The following ST3GAL1 variants were observed in gnomAD, a reference collection of about 807,000 sequenced individuals.
ST3GAL1 encodes CMP-N-acetylneuraminate-beta-galactosamide-alpha-2,3-sialyltransferase 1.
A neutral mutation model predicts 34.1 loss-of-function variants in ST3GAL1; 16 were observed. The ratio of observed to expected loss-of-function variants is 0.47; its 90% CI spans 0.32 to 0.71. The LOEUF is 0.71. Among genes scored for constraint, ST3GAL1 ranks in the 30% least tolerant of loss-of-function variants. The pLI is 0.04. For synonymous variants in ST3GAL1, 191 were observed against 184.7 expected (o/e 1.03, Z -0.28); for missense variants, 353 against 447.4 (o/e 0.79, Z 1.90).
chr8:133,473,017 A>G (rs1816027392), intron 5 of ST3GAL1, among the ~76,000 whole-genome samples: 1 of 152,190 alleles, frequency 6.6e-6, no homozygotes, highest in African/African-American at 2.4e-5. Flanking sequence ...TGAGATGAAG[A>G]GCTTCTTCAA....
At chr8:133,463,156 T>C (rs1815574417) in intron 8 of ST3GAL1, among the ~76,000 whole-genome samples, 1 of 152,222 alleles carries the variant, frequency 6.6e-6, no homozygotes, top group African/African-American at 2.4e-5. Context: ...GGGTTTCTGA[T>C]TCAGTAGGTT....
intron 9 of ST3GAL1, among the ~76,000 whole-genome samples, chr8:133,460,589 G>C (rs1245527788): frequency 6.6e-6 from 1 of 152,248 alleles, no homozygotes; most frequent in African/African-American, 2.4e-5. Context: ...CTGTACTGAA[G>C]TTCAGGCAGA....
At chr8:133,565,132 A>T (rs1819351690) in intron 1 of ST3GAL1, among the ~76,000 whole-genome samples, 3 of 150,300 alleles carry the variant, frequency 2.0e-5, no homozygotes, top group Admixed American at 6.6e-5. Context: ...GATTCAAATG[A>T]GATAACAGCT....
In ST3GAL1 at chr8:133,461,596, C is replaced by T. The variant is rs1029212510; in HGVS notation, c.849+279G>A. On this transcript the variant is annotated intron_variant, in intron 9 of 9. Coordinates refer to ENST00000522652, the MANE Select transcript of ST3GAL1 (RefSeq NM_173344.3). The surrounding 1 kb of genome is among the most constrained non-coding windows in gnomAD (Gnocchi z 4.7). ...CGCTATGAGAATCCGCTTCTGTATC[C>T]GGAATCTGCTGCGAGATCCGAGCTT... Among the ~76,000 whole-genome samples, 1 of 152,158 alleles carries T rather than the reference C, an allele frequency of 6.6e-6. No individual in the cohort carries two copies. Among genetic ancestry groups the T allele is most frequent in the African/African-American group, 2.4e-5 (1 of 41,422 alleles).
At chr8:133,553,168 G>A (rs1818910536) in intron 1 of ST3GAL1, among the ~76,000 whole-genome samples, 1 of 152,100 alleles carries the variant, frequency 6.6e-6, no homozygotes, top group African/African-American at 2.4e-5. Flanking sequence ...AGCCCTCCCT[G>A]CTCCACTCTG....
intron 2 of ST3GAL1, among the ~76,000 whole-genome samples, chr8:133,536,911 C>T (rs1255739078): frequency 6.6e-6 from 1 of 152,130 alleles, no homozygotes; most frequent in Admixed American, 6.6e-5. Context: ...CACACCCGAA[C>T]GGTCAACACA....
intron 4 of ST3GAL1, 81 bp from the exon 5 acceptor site, chr8:133,476,155 C>T (rs759123236): frequency 9.6e-7 from 1 of 1,044,648 alleles, no homozygotes; most frequent in Non-Finnish European, 1.3e-6. Flanking sequence ...CAAGGGAGGA[C>T]ACAAGGGCCG....
Position 133,556,881 on chromosome 8 carries a change from A to G in ST3GAL1, c.-581-10955T>C, listed in dbSNP as rs147507029. Among the ~76,000 whole-genome samples the G allele has an allele frequency of 2.1e-3, 327 of 152,134 alleles. No homozygotes were observed. The highest frequency in any genetic ancestry group is 7.7e-3 in the African/African-American group (318 of 41,490). On this transcript the variant is annotated intron_variant, in intron 1 of 9. Coordinates refer to ENST00000522652, the MANE Select transcript of ST3GAL1 (RefSeq NM_173344.3). This position sits in a 1 kb window ranked among gnomAD's most constrained non-coding sequence, Gnocchi z 8.9. The stretch of plus-strand genomic sequence containing the variant: ...AACTAAGTGGAGGGAAGTGGGAGGG[A>G]GGTTGGCAGCGGTGCTATTAATGCA...
chr8:133,475,423 G>A (rs1188357763), intron 5 of ST3GAL1, among the ~76,000 whole-genome samples: 1 of 152,232 alleles, frequency 6.6e-6, no homozygotes, highest in Non-Finnish European at 1.5e-5. Context: ...GCAGCCACAG[G>A]AAACTAAAGC....
chr8:133,464,654 G>T, intron 7 of ST3GAL1, 124 bp downstream of exon 7: 1 of 1,052,576 alleles, frequency 9.5e-7, no homozygotes, highest in Non-Finnish European at 1.4e-6. Context: ...GCTTGTGTGT[G>T]CCGGAGGAGG....
intron 2 of ST3GAL1, among the ~76,000 whole-genome samples, chr8:133,530,789 G>A (rs1818130706): frequency 6.6e-6 from 1 of 152,194 alleles, no homozygotes; most frequent in African/African-American, 2.4e-5. Flanking sequence ...GGTTTCTGGG[G>A]ACTTCCTGGG....
intron 2 of ST3GAL1, among the ~76,000 whole-genome samples, chr8:133,540,936 TATATAGAC>T (rs1818481112): frequency 8.2e-6 from 1 of 121,626 alleles, no homozygotes. Context: ...TATATAGACA[TATATAGAC>T]ATATATATAG....
At position 133,571,220 on chromosome 8, in the gene ST3GAL1, C is replaced by A. The variant is rs1378382923; in HGVS notation, c.-582+473G>T. ...GGTGTCCCAGCCTGTGACCCCAAAT[C>A]CGCTCGAGAGCGCCTGAGCCCGGCC... On this transcript the variant is annotated intron_variant, in intron 1 of 9. Coordinates refer to ENST00000522652, the MANE Select transcript of ST3GAL1 (RefSeq NM_173344.3). This position sits in a 1 kb window ranked among gnomAD's most constrained non-coding sequence, Gnocchi z 6.7. Among the ~76,000 whole-genome samples the A allele has an allele frequency of 1.3e-5, 2 of 152,188 alleles. No homozygotes were observed. The highest frequency in any genetic ancestry group is 4.8e-5 in the African/African-American group (2 of 41,458).
intron 2 of ST3GAL1, among the ~76,000 whole-genome samples, chr8:133,530,579 A>C (rs1240041122): frequency 1.3e-5 from 2 of 152,190 alleles, no homozygotes. Context: ...CACCGTGCCC[A>C]GTCCCTGATG....
intron 1 of ST3GAL1, among the ~76,000 whole-genome samples, chr8:133,557,062 G>A (rs373990033): frequency 4.6e-5 from 7 of 152,178 alleles, no homozygotes; most frequent in Non-Finnish European, 7.3e-5. Flanking sequence ...CAACCTCAGC[G>A]AGCCAGCCTT....
chr8:133,499,213 G>C, intron 2 of ST3GAL1, 24 bp from the exon 3 acceptor site: 1 of 152,318 alleles, frequency 6.6e-6, no homozygotes, highest in South Asian at 2.1e-4. Flanking sequence ...GAAAATACTC[G>C]GGAGACTTAG....
rs1279764572 is a variant in ST3GAL1 at position 133,459,676 on chromosome 8, A to T, written c.*88T>A. Reference sequence around the variant, plus strand: ...GGCACACACCTGAGGCTGCCCCTCCAAGCTCCGGGATGGAACGGCTCCAGC... The same window carrying T: ...GGCACACACCTGAGGCTGCCCCTCCTAGCTCCGGGATGGAACGGCTCCAGC... On this transcript the variant is annotated 3_prime_UTR_variant, in exon 10 of 10. Coordinates refer to ENST00000522652, the MANE Select transcript of ST3GAL1 (RefSeq NM_173344.3). This position sits in a 1 kb window ranked among gnomAD's most constrained non-coding sequence, Gnocchi z 4.7. 2.0e-6 allele frequency: 3 copies of T among 1,495,360 alleles called. No homozygotes were observed. Among genetic ancestry groups the T allele is most frequent in the African/African-American group, 1.4e-5 (1 of 71,058 alleles). The allele number at this position is 1,495,360 out of a possible 1,614,324, so 92.6% of individuals were successfully genotyped here.
At chr8:133,555,829 T>C (rs1463495558) in intron 1 of ST3GAL1, among the ~76,000 whole-genome samples, 8 of 152,144 alleles carry the variant, frequency 5.3e-5, no homozygotes, top group Admixed American at 5.2e-4. Context: ...GAAGGCCATC[T>C]CTTCTCTGGG....
Position 133,539,297 on chromosome 8 carries a change from A to G in ST3GAL1, c.-429+6477T>C, listed in dbSNP as rs144373950. On this transcript the variant is annotated intron_variant, in intron 2 of 9. Coordinates refer to ENST00000522652, the MANE Select transcript of ST3GAL1 (RefSeq NM_173344.3). ...TAAATTCACTGTACCATGGAGCACC[A>G]GGATTCCCACCGCCAACTCCCCTTG... Among the ~76,000 whole-genome samples, 1,148 of 152,326 alleles carry G rather than the reference A, an allele frequency of 7.5e-3. 5 individuals carry two copies. Among genetic ancestry groups the G allele is most frequent in the Middle Eastern group, 0.014 (4 of 294 alleles).
Sources: gnomAD v4.1 joint callset for allele counts (sites outside exome capture counted in the v4.1 genomes callset) on GRCh38, gnomAD v4.1.1 for gene constraint, Gnocchi (gnomAD v3.1) non-coding constraint, MANE v1.5 for transcripts, NCBI Gene and HGNC (gene_info 2026-07-23, HGNC 2026-07-21) for gene names.